DENND6B: variants seen among roughly 807,000 people sequenced by gnomAD.
DENND6B encodes the protein DENN domain containing 6B, also known as protein DENND6B.
Under a neutral mutation model 85.1 loss-of-function variants are expected in DENND6B, and 73 were observed. The observed-to-expected ratio is 0.86, with a 90% confidence interval of 0.71 to 1.04. DENND6B has a LOEUF of 1.04. Among genes scored for constraint, DENND6B ranks in the 50% least tolerant of loss-of-function variants. DENND6B has a pLI of 0.00. For missense variants in DENND6B, 715 were observed against 785.8 expected (o/e 0.91, Z 1.08); for synonymous variants, 357 against 329.3 (o/e 1.08, Z -0.91).
Position 50,326,977 on chromosome 22 carries a change from C to G in DENND6B, c.12G>C (p.Leu4=), listed in dbSNP as rs771657768. The G allele has an allele frequency of 8.5e-5, 103 of 1,205,584 alleles. 1 individual carries two copies. In the South Asian group the frequency reaches 3.4e-3, roughly 40 times the overall value. 74.7% of individuals were successfully genotyped at this position (1,205,584 alleles called of 1,614,324 possible). The part of the protein sequence containing the change: MDA[L]LGTGPRRARG... ...GAGCCCGGCGAGGCCCTGTGCCCAACAGCGCGTCCATGGCGGCGGCCGCGG... is the reference window on the plus strand; with the variant it reads ...GAGCCCGGCGAGGCCCTGTGCCCAAGAGCGCGTCCATGGCGGCGGCCGCGG... The change falls in exon 1 of 20, where the codon CTG becomes CTC. Residue 4 remains leucine, a synonymous_variant. Transcript: ENST00000413817.
intron 13 of DENND6B, 51 bp from the exon 14 acceptor site, chr22:50,313,929 C>A (rs897041064): frequency 1.9e-6 from 3 of 1,552,402 alleles, no homozygotes; most frequent in African/African-American, 2.7e-5. Context: ...CTCCCTCCCA[C>A]ACTCCTGCAG....
At chr22:50,316,117 G>A in intron 7 of DENND6B, 30 bp from the exon 8 acceptor site, 1 of 1,612,684 alleles carries the variant, frequency 6.2e-7, no homozygotes, top group East Asian at 2.2e-5. Context: ...GCTGCCAGAG[G>A]GAGTAGGGCA....
In DENND6B at chr22:50,317,275, A is replaced by G. The variant is rs1388091969; in HGVS notation, c.453+18T>C. 6.2e-7 allele frequency: 1 copy of G among 1,611,844 alleles called. No individual in the cohort carries two copies. Among genetic ancestry groups the G allele is most frequent in the Non-Finnish European group, 8.5e-7 (1 of 1,179,354 alleles). On this transcript the variant is annotated intron_variant, in intron 5 of 19. Transcript: ENST00000413817. ...TGCCGCTCTTGAGGTGCCAGCCCAG[A>G]GTGGCCAAGCAGCGCACCTTCTGGA...
Position 50,316,380 on chromosome 22 carries a change from G to A in DENND6B, c.549C>T (p.Cys183=). ...APEYFDKLAP[C]LEAVCSEIDQ... is the part of the protein sequence containing the mutation. ...CTGATGGCCACTCACCTGCTTCCAG[G>A]CAGGGCGCCAGCTTGTCAAAGTACT... Residue 183 remains cysteine, a synonymous_variant, in exon 6 of 20, where the codon TGC becomes TGT. Coordinates refer to ENST00000413817, the MANE Select transcript of DENND6B (RefSeq NM_001001794.4). 1.3e-6 allele frequency: 2 copies of A among 1,576,716 alleles called. No homozygotes were observed. Among genetic ancestry groups the A allele is most frequent in the South Asian group, 1.2e-5 (1 of 86,348 alleles).
Position 50,316,566 on chromosome 22 carries a change from C to G in DENND6B, c.454-91G>C, listed in dbSNP as rs751706216. 8.4e-6 allele frequency: 13 copies of G among 1,545,620 alleles called. No individual in the cohort carries two copies. The South Asian group carries it at 1.6e-4, about 19-fold the overall frequency. On this transcript the variant is annotated intron_variant, in intron 5 of 19. Transcript: ENST00000413817. ...CGGGGACCACCGAAGCCACGCTCAC[C>G]TGGAGCTGGCCCAGGGTAGCACGTC... is the stretch of plus-strand genomic sequence containing the variant.
chr22:50,313,171 C>A, intron 16 of DENND6B, 63 bp from the exon 17 acceptor site: 1 of 1,453,330 alleles, frequency 6.9e-7, no homozygotes, highest in South Asian at 1.3e-5. Flanking sequence ...ACCCGGTACG[C>A]TTCCCAGACA....
rs1277947798 is a variant in DENND6B at position 50,310,124 on chromosome 22, A to G, written c.*2015T>C. On this transcript the variant is annotated 3_prime_UTR_variant, in exon 20 of 20. Transcript: ENST00000413817. Reference sequence around the variant, plus strand: ...TCAAGCTGCCCACACAAGAGGTGCCAGCATCTCTGCAGACCCTCTAGAGAC... The same window carrying G: ...TCAAGCTGCCCACACAAGAGGTGCCGGCATCTCTGCAGACCCTCTAGAGAC... The G allele has an allele frequency of 6.6e-6, 1 of 152,290 alleles. No individual in the cohort carries two copies. Among genetic ancestry groups the G allele is most frequent in the African/African-American group, 2.4e-5 (1 of 41,474 alleles). The allele number at this position is 152,290 out of a possible 1,614,324, so 9.4% of individuals were successfully genotyped here.
At chr22:50,313,953 C>T in intron 13 of DENND6B, 75 bp from the exon 14 acceptor site, 5 of 1,491,854 alleles carry the variant, frequency 3.4e-6, no homozygotes, top group Admixed American at 4.4e-5. Context: ...CACAGAGGAG[C>T]CAGGGTGGGG....
intron 1 of DENND6B, 28 bp downstream of exon 1, chr22:50,326,784 G>T (rs2042201640): frequency 9.7e-7 from 1 of 1,028,762 alleles, no homozygotes; most frequent in Non-Finnish European, 1.3e-6. Flanking sequence ...CTGCCCACCC[G>T]CCCGCGCCCG....
Position 50,318,874 on chromosome 22 carries a change from A to G in DENND6B, c.232T>C (p.Tyr78His). The G allele has an allele frequency of 6.2e-7, 1 of 1,613,332 alleles. No individual in the cohort carries two copies. Among genetic ancestry groups the G allele is most frequent in the Non-Finnish European group, 8.5e-7 (1 of 1,179,726 alleles). Residue 78 changes from tyrosine (Y) to histidine (H), a missense_variant, in exon 3 of 20, where the codon TAC becomes CAC. Coordinates refer to ENST00000413817, the MANE Select transcript of DENND6B (RefSeq NM_001001794.4). ...LTDKEKSSIC[Y>H]LSFPDSHSGC... ...GAGTGCGAGTCGGGAAAAGACAGGT[A>G]GCAGATGCTGCTTTTCTGAAACATA...
chr22:50,316,134 C>T (rs774484130), intron 7 of DENND6B, 40 bp downstream of exon 7: 2 of 1,612,644 alleles, frequency 1.2e-6, no homozygotes, highest in South Asian at 2.2e-5. Flanking sequence ...GGCATCCCCA[C>T]ACACCTGCAG....
At position 50,318,862 on chromosome 22, in the gene DENND6B, G is replaced by A; in HGVS notation, c.244C>T (p.Pro82Ser). 6.2e-7 allele frequency: 1 copy of A among 1,613,412 alleles called. No homozygotes were observed. The highest frequency in any genetic ancestry group is 8.5e-7 in the Non-Finnish European group (1 of 1,179,742). ...EKSSICYLSF[P>S]DSHSGCLGDT... ...GGTTGCCTACCTGAGTGCGAGTCGG[G>A]AAAAGACAGGTAGCAGATGCTGCTT... is the stretch of plus-strand genomic sequence containing the variant. The change falls in exon 3 of 20, where the codon CCC becomes TCC. Residue 82 changes from proline (P) to serine (S), a missense_variant. Transcript: ENST00000413817.
intron 1 of DENND6B, among the ~76,000 whole-genome samples, chr22:50,321,914 A>G (rs905761045): frequency 6.6e-6 from 1 of 151,888 alleles, no homozygotes; most frequent in South Asian, 2.1e-4. Flanking sequence ...GGGTCTTGCT[A>G]TGCTGCCCAA....
chr22:50,314,948 G>C (rs1277278678), intron 9 of DENND6B, 27 bp from the exon 10 acceptor site: 1 of 1,605,044 alleles, frequency 6.2e-7, no homozygotes, highest in Non-Finnish European at 8.5e-7. Context: ...AGGTCGGGGA[G>C]GTCAGGCAGG....
In DENND6B at chr22:50,314,637, C is replaced by T. The variant is rs2041728316; in HGVS notation, c.945G>A (p.Glu315=). 6.4e-7 allele frequency: 1 copy of T among 1,567,260 alleles called. No homozygotes were observed. The highest frequency in any genetic ancestry group is 8.6e-7 in the Non-Finnish European group (1 of 1,156,406). ...FRPYFTIHDS[E]FKEFTTRTQA... is the part of the protein sequence containing the mutation. The stretch of plus-strand genomic sequence containing the variant: ...GCGTGCGTGTGGTGAACTCCTTGAA[C>T]TCGCTGTCATGGATGGTGAAGTAGG... The change falls in exon 11 of 20, where the codon GAG becomes GAA. Residue 315 remains glutamate (E), a synonymous_variant. Transcript: ENST00000413817.
At chr22:50,323,720 C>A (rs577425781) in intron 1 of DENND6B, among the ~76,000 whole-genome samples, 1 of 72,470 alleles carries the variant, frequency 1.4e-5, no homozygotes, top group Non-Finnish European at 2.5e-5. Flanking sequence ...GCACGCCTAG[C>A]CTTTTTTTTT....
At chr22:50,323,308 G>C (rs2042107586) in intron 1 of DENND6B, among the ~76,000 whole-genome samples, 1 of 140,122 alleles carries the variant, frequency 7.1e-6, no homozygotes, top group Non-Finnish European at 1.5e-5. Flanking sequence ...TCCTTTTTGA[G>C]AGCTGCACTC....
intron 1 of DENND6B, among the ~76,000 whole-genome samples, chr22:50,320,876 A>G (rs1356355956): frequency 6.6e-6 from 1 of 152,220 alleles, no homozygotes; most frequent in Non-Finnish European, 1.5e-5. Flanking sequence ...TGACCAGGGA[A>G]AGCCACATTC....
At chr22:50,323,159 GC>G (rs2042102240) in intron 1 of DENND6B, among the ~76,000 whole-genome samples, 1 of 144,942 alleles carries the variant, frequency 6.9e-6, no homozygotes, top group Non-Finnish European at 1.5e-5. Context: ...GAGCCACCAC[GC>G]CCGGCTTGTT....
Sources: allele counts gnomAD v4.1 joint callset (sites outside exome capture counted in the v4.1 genomes callset), GRCh38; gene constraint gnomAD v4.1.1; transcripts MANE v1.5; gene names NCBI Gene and HGNC (gene_info 2026-07-23, HGNC 2026-07-21).